DEPTOR: variants seen among roughly 807,000 people sequenced by gnomAD.
DEPTOR encodes DEP domain-containing mTOR-interacting protein.
A neutral mutation model predicts 41.6 loss-of-function variants in DEPTOR; 41 were observed. That is an observed-to-expected ratio of 0.98 (90% CI 0.77 to 1.28). DEPTOR has a LOEUF of 1.28. DEPTOR is among the 50% of genes most tolerant of loss of function. DEPTOR has a pLI of 0.00. For synonymous variants in DEPTOR, 195 were observed against 192.3 expected (o/e 1.01, Z -0.12); for missense variants, 514 against 527.9 (o/e 0.97, Z 0.26).
At chr8:119,919,100 G>T (rs1827857627) in intron 1 of DEPTOR, among the ~76,000 whole-genome samples, 2 of 151,966 alleles carry the variant, frequency 1.3e-5, no homozygotes, top group Admixed American at 1.3e-4. Context: ...GTTCTGATCA[G>T]GTTGGGAGAA....
intron 8 of DEPTOR, among the ~76,000 whole-genome samples, chr8:120,040,775 G>A (rs1813055971): frequency 6.6e-6 from 1 of 152,202 alleles, no homozygotes; most frequent in Non-Finnish European, 1.5e-5. Context: ...TGGATACCTA[G>A]TAGGGACGTG....
intron 1 of DEPTOR, among the ~76,000 whole-genome samples, chr8:119,893,188 A>C (rs758640738): frequency 6.6e-6 from 1 of 152,232 alleles, no homozygotes; most frequent in Non-Finnish European, 1.5e-5. Context: ...TTATTAAGCC[A>C]TTTCATTTAT....
At chr8:119,964,105 CTG>C (rs1404140445) in intron 3 of DEPTOR, among the ~76,000 whole-genome samples, 1 of 152,132 alleles carries the variant, frequency 6.6e-6, no homozygotes, top group Non-Finnish European at 1.5e-5. Flanking sequence ...TCCCTTTTGT[CTG>C]TTTTGATAAG....
intron 8 of DEPTOR, among the ~76,000 whole-genome samples, chr8:120,025,191 G>A (rs1812780195): frequency 6.6e-6 from 1 of 152,200 alleles, no homozygotes; most frequent in Admixed American, 6.5e-5. Flanking sequence ...ACTGTGATAT[G>A]TGCATTTGGC....
intron 4 of DEPTOR, among the ~76,000 whole-genome samples, chr8:119,975,862 G>T (rs1396775236): frequency 2.2e-5 from 3 of 137,412 alleles, no homozygotes; most frequent in Non-Finnish European, 3.0e-5. Context: ...TCCTACTCAT[G>T]CTTGCTCCTT....
intron 7 of DEPTOR, among the ~76,000 whole-genome samples, chr8:120,008,355 C>T (rs192745453): frequency 2.6e-5 from 4 of 152,026 alleles, no homozygotes; most frequent in Admixed American, 1.3e-4. Flanking sequence ...TGGTGAAACC[C>T]TGTCTCTACT....
At position 119,965,216 on chromosome 8, in the gene DEPTOR, C is replaced by CTTTTT; in HGVS notation, c.426-13_426-9dup. The CTTTTT allele has an allele frequency of 6.3e-7, 1 of 1,597,174 alleles. No homozygotes were observed. Among genetic ancestry groups the CTTTTT allele is most frequent in the African/African-American group, 1.4e-5 (1 of 74,062 alleles). On this transcript the variant is annotated splice_polypyrimidine_tract_variant and intron_variant, in intron 3 of 8. Transcript: ENST00000286234. ...TCGTATAGGTTTACTTTTCTTTTCC[C>CTTTTT]TTTTTTTCTTCCCAGGCTGATGAGC...
chr8:119,900,380 CT>C (rs377443807), intron 1 of DEPTOR, among the ~76,000 whole-genome samples: 58 of 43,910 alleles, frequency 1.3e-3, no homozygotes, highest in African/African-American at 4.6e-3. Flanking sequence ...CACCCCTCAC[CT>C]TTTTTTTTTT....
chr8:119,942,363 G>A (rs1470147765), intron 3 of DEPTOR, among the ~76,000 whole-genome samples: 1 of 152,096 alleles, frequency 6.6e-6, no homozygotes, highest in Admixed American at 6.6e-5. Context: ...GTGCCACCAC[G>A]CCTGGCTAAT....
chr8:119,956,135 A>G (rs1828414269), intron 3 of DEPTOR, among the ~76,000 whole-genome samples: 1 of 152,232 alleles, frequency 6.6e-6, no homozygotes, highest in African/African-American at 2.4e-5. Context: ...TAATTAAATG[A>G]TGGTTATTTT....
chr8:119,904,464 A>T (rs1453604293), intron 1 of DEPTOR, among the ~76,000 whole-genome samples: 1 of 151,508 alleles, frequency 6.6e-6, no homozygotes, highest in Admixed American at 6.6e-5. Flanking sequence ...AAAAAACTGG[A>T]TACATTTTTT....
chr8:119,898,681 A>T (rs901512829), intron 1 of DEPTOR, among the ~76,000 whole-genome samples: 1 of 151,674 alleles, frequency 6.6e-6, no homozygotes, highest in Non-Finnish European at 1.5e-5. Context: ...CTGAGATTGT[A>T]CCACTGCATT....
chr8:119,879,494 C>T (rs1489061601), intron 1 of DEPTOR, among the ~76,000 whole-genome samples: 1 of 152,108 alleles, frequency 6.6e-6, no homozygotes, highest in Non-Finnish European at 1.5e-5. Flanking sequence ...GGTGGATCAC[C>T]TGAGATCAGG....
intron 4 of DEPTOR, 56 bp downstream of exon 4, chr8:119,965,466 T>A: frequency 6.3e-7 from 1 of 1,581,766 alleles, no homozygotes; most frequent in South Asian, 1.2e-5. Flanking sequence ...CCAAATCTTG[T>A]GTCTTACAAC....
chr8:119,954,921 C>T (rs1199682650), intron 3 of DEPTOR, among the ~76,000 whole-genome samples: 1 of 152,026 alleles, frequency 6.6e-6, no homozygotes, highest in African/African-American at 2.4e-5. Flanking sequence ...TGCAGTGGCA[C>T]AATCTTGGCT....
At chr8:119,925,319 G>A (rs1394284490) in intron 1 of DEPTOR, among the ~76,000 whole-genome samples, 1 of 152,084 alleles carries the variant, frequency 6.6e-6, no homozygotes, top group Non-Finnish European at 1.5e-5. Flanking sequence ...GAACATGGGA[G>A]GTGGAGACTG....
In DEPTOR at chr8:120,035,386, T is replaced by C. The variant is rs1384282075; in HGVS notation, c.1102-14190T>C. On this transcript the variant is annotated intron_variant, in intron 8 of 8. Coordinates refer to ENST00000286234, the MANE Select transcript of DEPTOR (RefSeq NM_022783.4). ...TTGCTGTTGGAACCCCTCCTTCCCA[T>C]CCCACTCAAAATTACAGGGTATTCT... is the stretch of plus-strand genomic sequence containing the variant. Among the ~76,000 whole-genome samples the C allele has an allele frequency of 5.0e-4, 76 of 152,064 alleles. 1 individual carries two copies. The highest frequency in any genetic ancestry group is 7.4e-5 in the Non-Finnish European group (5 of 68,006).
At chr8:119,888,308 T>C (rs1827400029) in intron 1 of DEPTOR, among the ~76,000 whole-genome samples, 1 of 152,152 alleles carries the variant, frequency 6.6e-6, no homozygotes, top group South Asian at 2.1e-4. Flanking sequence ...ACTGCTTCCT[T>C]AGAATTATGA....
At chr8:119,933,948 C>G (rs574644125) in intron 3 of DEPTOR, among the ~76,000 whole-genome samples, 1 of 152,034 alleles carries the variant, frequency 6.6e-6, no homozygotes, top group Non-Finnish European at 1.5e-5. Flanking sequence ...GGCATGATCT[C>G]GGCTCACTAC....
Sources: allele counts gnomAD v4.1 joint callset (sites outside exome capture counted in the v4.1 genomes callset), GRCh38; gene constraint gnomAD v4.1.1; transcripts MANE v1.5; gene names NCBI Gene and HGNC (gene_info 2026-07-23, HGNC 2026-07-21).